MYO9A: variants seen among roughly 807,000 people sequenced by gnomAD.
MYO9A encodes the protein myosin IXA, also known as unconventional myosin-IXa.
In MYO9A, 103 loss-of-function variants were observed where a neutral mutation model predicts 293.3. The ratio of observed to expected loss-of-function variants is 0.35; its 90% confidence interval spans 0.30 to 0.41. The LOEUF is 0.41. Ranked by LOEUF, MYO9A falls within the 10% of genes least tolerant of loss-of-function variation. The pLI, the probability that MYO9A is intolerant of heterozygous loss-of-function variation, is 1.00. For missense variants in MYO9A, 2,685 were observed against 3,033.0 expected, an observed-to-expected ratio of 0.89 and a Z score of 2.69; for synonymous variants, 1,001 against 1,035.7, an observed-to-expected ratio of 0.97 and a Z score of 0.64.
At chr15:72,027,111 G>C (rs551374220) in intron 4 of MYO9A, among the ~76,000 whole-genome samples, 43 of 152,190 alleles carry the variant, frequency 2.8e-4, no homozygotes, top group African/African-American at 9.6e-4. Flanking sequence ...AAGGAAATAA[G>C]AGTTATATAC....
chr15:72,027,917 G>C, intron 3 of MYO9A, 124 bp from the exon 4 acceptor site: 1 of 686,028 alleles, frequency 1.5e-6, no homozygotes, highest in Non-Finnish European at 2.4e-6. Context: ...TGCGCCATTG[G>C]CCGGGCGAGG....
chr15:71,991,777 G>A lies in MYO9A; in HGVS notation c.1588-540C>T, dbSNP rs140585247. Among the ~76,000 whole-genome samples, 1,079 of 152,162 alleles carry A rather than the reference G, an allele frequency of 7.1e-3. 7 individuals are homozygous for A. Among genetic ancestry groups the A allele is most frequent in the Middle Eastern group, 0.017 (5 of 294 alleles). On this transcript the variant is annotated intron_variant, in intron 10 of 41. Coordinates refer to ENST00000356056, the MANE Select transcript of MYO9A (RefSeq NM_006901.4). ...ATGGTTTCTTTTTTATTTTTGAGACGGAGTCTCGATCTGTCGCCCAGGCTG... is the reference window on the plus strand; with the variant it reads ...ATGGTTTCTTTTTTATTTTTGAGACAGAGTCTCGATCTGTCGCCCAGGCTG...
intron 25 of MYO9A, among the ~76,000 whole-genome samples, chr15:71,896,239 A>T (rs2057323119): frequency 6.6e-6 from 1 of 152,204 alleles, no homozygotes; most frequent in Non-Finnish European, 1.5e-5. Context: ...AAAGGGTGGA[A>T]CATTTAAATG....
chr15:71,901,066 C>T (rs1487474432), intron 23 of MYO9A, 125 bp downstream of exon 23: 34 of 1,018,924 alleles, frequency 3.3e-5, no homozygotes, highest in South Asian at 1.6e-4. Flanking sequence ...AAATTGGGTA[C>T]GACATATTCT....
At chr15:72,091,898 A>G (rs2079925408) in intron 1 of MYO9A, among the ~76,000 whole-genome samples, 1 of 151,976 alleles carries the variant, frequency 6.6e-6, no homozygotes, top group Admixed American at 6.6e-5. Context: ...GTATTTTTTT[A>G]GTAGAGACGG....
chr15:71,935,903 T>TACACACAC (rs66924608), intron 16 of MYO9A, among the ~76,000 whole-genome samples: 1,986 of 148,078 alleles, frequency 0.013, 22 homozygotes, highest in Middle Eastern at 0.024. Context: ...AGGTCTTATT[T>TACACACAC]ACACACACAC....
chr15:71,828,795 A>G (rs2054609052), intron 40 of MYO9A, among the ~76,000 whole-genome samples: 1 of 152,132 alleles, frequency 6.6e-6, no homozygotes, highest in African/African-American at 2.4e-5. Context: ...ACTTCTAACA[A>G]TATTCTCCTC....
chr15:72,026,007 T>G (rs1460220857), intron 4 of MYO9A, among the ~76,000 whole-genome samples: 2 of 151,626 alleles, frequency 1.3e-5, no homozygotes, highest in Admixed American at 1.3e-4. Flanking sequence ...CGGCCAGGCA[T>G]GGTGGCTCAC....
intron 35 of MYO9A, 106 bp downstream of exon 35, chr15:71,854,271 T>C (rs765830775): frequency 2.1e-5 from 20 of 940,054 alleles, no homozygotes; most frequent in Non-Finnish European, 3.0e-5. Context: ...GAATGCATTC[T>C]TCTGGCTGCT....
chr15:71,913,882 A>T (rs1484014481), intron 19 of MYO9A, among the ~76,000 whole-genome samples: 2 of 82,834 alleles, frequency 2.4e-5, no homozygotes, highest in African/African-American at 7.0e-5. Context: ...GCCTCATGTA[A>T]TAAAAGGTCG....
rs1345943413 is a variant in MYO9A, at chr15:71,898,423, C to A, written c.4080G>T (p.Lys1360Asn). The A allele has an allele frequency of 6.2e-7, 1 of 1,613,734 alleles. No homozygotes were observed. The highest frequency in any genetic ancestry group is 8.5e-7 in the Non-Finnish European group (1 of 1,180,020). Residue 1360 changes from lysine to asparagine, a missense_variant, in exon 25 of 42, where the codon AAG (lysine) becomes AAT (asparagine). Lys to Asn is a moderately conservative substitution (Grantham distance 94, BLOSUM62 0). Coordinates refer to ENST00000356056, the MANE Select transcript of MYO9A (RefSeq NM_006901.4). ...AATCAAATTTTGGACTGCTGGATAT[C>A]TTAGGTGATGGAAACTGCAAGTCTC... The part of the protein sequence containing the change: ...DEGDLQFPSP[K>N]ISSSPKFDSR...
chr15:72,026,351 A>G (rs1395839257), intron 4 of MYO9A, among the ~76,000 whole-genome samples: 2 of 151,360 alleles, frequency 1.3e-5, no homozygotes, highest in South Asian at 4.2e-4. Flanking sequence ...TTGACAACAC[A>G]TTCCTAAATA....
chr15:72,011,310 C>A (rs958799315), intron 6 of MYO9A, among the ~76,000 whole-genome samples: 1 of 151,474 alleles, frequency 6.6e-6, no homozygotes, highest in Non-Finnish European at 1.5e-5. Context: ...CTGTGCCCAG[C>A]CTGTTACATC....
At chr15:72,083,747 AT>A (rs1419142467) in intron 1 of MYO9A, among the ~76,000 whole-genome samples, 1 of 152,104 alleles carries the variant, frequency 6.6e-6, no homozygotes, top group East Asian at 1.9e-4. Context: ...TTTTGCCTTA[AT>A]TTCATGGTTT....
intron 3 of MYO9A, among the ~76,000 whole-genome samples, chr15:72,028,238 TAA>T (rs1555408320): frequency 5.5e-5 from 8 of 144,658 alleles, no homozygotes; most frequent in African/African-American, 2.0e-4. Context: ...TATATATATA[TAA>T]ATATATATAT....
At chr15:72,031,583 T>C (rs957040074) in intron 3 of MYO9A, among the ~76,000 whole-genome samples, 1 of 152,290 alleles carries the variant, frequency 6.6e-6, no homozygotes, top group Non-Finnish European at 1.5e-5. Flanking sequence ...TACTGTACTA[T>C]ACTCAACTAT....
At chr15:71,883,022 T>C (rs943883140) in intron 28 of MYO9A, among the ~76,000 whole-genome samples, 5 of 152,132 alleles carry the variant, frequency 3.3e-5, no homozygotes, top group African/African-American at 1.2e-4. Context: ...CAGGCTGGTG[T>C]TGAACTCCTG....
intron 1 of MYO9A, among the ~76,000 whole-genome samples, chr15:72,073,204 T>A (rs989328): frequency 0.066 from 10,112 of 152,274 alleles, 486 homozygotes; most frequent in Non-Finnish European, 0.1. Context: ...CATTACTACA[T>A]TAATACATTC....
chr15:71,995,495 T>A (rs1466936935), intron 9 of MYO9A, among the ~76,000 whole-genome samples: 1 of 152,102 alleles, frequency 6.6e-6, no homozygotes. Context: ...TCTGCTCTAT[T>A]TTCCTGTAAG....
Sources: gnomAD v4.1 joint callset for allele counts (sites outside exome capture counted in the v4.1 genomes callset) on GRCh38, gnomAD v4.1.1 for gene constraint, MANE v1.5 for transcripts, NCBI Gene and HGNC (gene_info 2026-07-23, HGNC 2026-07-21) for gene names.